The following UGGT1 variants were observed in gnomAD, a reference collection of about 807,000 sequenced individuals.
UGGT1 encodes UDP-glucose glycoprotein glucosyltransferase 1.
A neutral mutation model predicts 203.9 loss-of-function variants in UGGT1; 107 were observed. The ratio of observed to expected loss-of-function variants is 0.52; its 90% CI spans 0.45 to 0.62. UGGT1 has a LOEUF of 0.62. UGGT1 is among the 20% of genes least tolerant of loss of function. The pLI is 0.00. For synonymous variants in UGGT1, 628 were observed against 653.5 expected (o/e 0.96, Z 0.59); for missense variants, 1,673 against 1,867.2 (o/e 0.90, Z 1.92).
intron 26 of UGGT1, among the ~76,000 whole-genome samples, chr2:128,167,783 T>A (rs1690868519): frequency 6.6e-6 from 1 of 152,140 alleles, no homozygotes; most frequent in Non-Finnish European, 1.5e-5. Flanking sequence ...ATACTCCTCT[T>A]TCCTTGTTTT....
At chr2:128,110,836 T>A (rs1454912295) in intron 5 of UGGT1, among the ~76,000 whole-genome samples, 5 of 152,228 alleles carry the variant, frequency 3.3e-5, no homozygotes, top group Non-Finnish European at 5.9e-5. Flanking sequence ...GACTGTCCCG[T>A]AATTGGTAAT....
At chr2:128,146,026 G>T in intron 18 of UGGT1, 59 bp downstream of exon 18, 2 of 1,600,730 alleles carry the variant, frequency 1.2e-6, no homozygotes, top group South Asian at 1.1e-5. Flanking sequence ...ATTTTTTGTT[G>T]CCTCTATAGT....
At position 128,179,757 on chromosome 2, in the gene UGGT1, G is replaced by T. The variant is rs761399233; in HGVS notation, c.3816-29G>T. On this transcript the variant is annotated intron_variant, in intron 34 of 40. Transcript: ENST00000259253. Reference sequence around the variant, plus strand: ...TGAGGTTAAATAACATTGGAAAGCTGTTATTAATTACCTGCTTTTGTTTGG... The same window carrying T: ...TGAGGTTAAATAACATTGGAAAGCTTTTATTAATTACCTGCTTTTGTTTGG... 3.2e-6 allele frequency: 5 copies of T among 1,584,878 alleles called. No homozygotes were observed. In the East Asian group the frequency reaches 9.0e-5, roughly 28 times the overall value.
At chr2:128,178,685 T>C (rs925144884) in intron 34 of UGGT1, 116 bp downstream of exon 34, 15 of 858,602 alleles carry the variant, frequency 1.7e-5, no homozygotes, top group Non-Finnish European at 2.5e-5. Context: ...TTTGAAGCAC[T>C]CTGAGCATTG....
chr2:128,188,253 C>T (rs978727719), intron 40 of UGGT1, among the ~76,000 whole-genome samples: 1 of 151,702 alleles, frequency 6.6e-6, no homozygotes, highest in African/African-American at 2.4e-5. Context: ...CCATGTTGCC[C>T]AGGCTGGTCT....
At chr2:128,109,022 A>C (rs865970896) in intron 4 of UGGT1, among the ~76,000 whole-genome samples, 4 of 151,632 alleles carry the variant, frequency 2.6e-5, no homozygotes, top group Middle Eastern at 6.8e-3. Context: ...TGATTCTCCT[A>C]CCTGAGCTGG....
intron 8 of UGGT1, among the ~76,000 whole-genome samples, chr2:128,116,951 A>G (rs1688130382): frequency 1.3e-5 from 2 of 152,240 alleles, no homozygotes; most frequent in African/African-American, 4.8e-5. Flanking sequence ...GAGAAATTGA[A>G]TTGTTTCACT....
intron 16 of UGGT1, among the ~76,000 whole-genome samples, chr2:128,141,933 A>G (rs1474269176): frequency 2.6e-5 from 4 of 151,712 alleles, no homozygotes; most frequent in Non-Finnish European, 4.4e-5. Flanking sequence ...AGGACTACTT[A>G]TAAGTGTTGA....
At chr2:128,125,202 T>G (rs1408479984) in intron 11 of UGGT1, among the ~76,000 whole-genome samples, 1 of 152,104 alleles carries the variant, frequency 6.6e-6, no homozygotes, top group East Asian at 1.9e-4. Context: ...GTCCCTGTCC[T>G]CCTTGTGCTT....
At chr2:128,133,327 A>C in intron 14 of UGGT1, 67 bp downstream of exon 14, 1 of 1,581,820 alleles carries the variant, frequency 6.3e-7, no homozygotes, top group Admixed American at 1.7e-5. Context: ...TTTTTTTGTC[A>C]TGTAGAATGG....
In UGGT1 at chr2:128,129,046, G is replaced by A; in HGVS notation, c.1244G>A (p.Arg415Lys). ...QDIFSLFDVL[R>K]NEARVMEGLH... ...CCCCCCAGTCTGTTTGATGTGTTGAGGAATGAAGCTCGGGTAATGGAGGGT... is the reference window on the plus strand; with the variant it reads ...CCCCCCAGTCTGTTTGATGTGTTGAAGAATGAAGCTCGGGTAATGGAGGGT... The change falls in exon 13 of 41, where the codon AGG becomes AAG. Residue 415 changes from arginine (R) to lysine (K), a missense_variant. This residue lies in a region of UGGT1 where 1,073 missense variants were observed against 1,078.7 expected (regional missense o/e 0.99). Transcript: ENST00000259253. 1 of 1,608,550 alleles carries A rather than the reference G, an allele frequency of 6.2e-7. No homozygotes were observed. Among genetic ancestry groups the A allele is most frequent in the Non-Finnish European group, 8.5e-7 (1 of 1,178,256 alleles).
Position 128,129,051 on chromosome 2 carries a change from G to A in UGGT1, c.1249G>A (p.Glu417Lys). The A allele has an allele frequency of 6.2e-7, 1 of 1,610,436 alleles. No individual in the cohort carries two copies. The highest frequency in any genetic ancestry group is 8.5e-7 in the Non-Finnish European group (1 of 1,179,002). Residue 417 changes from glutamate (E) to lysine (K), a missense_variant, in exon 13 of 41, where the codon GAA becomes AAA. Around this residue, in one of 4 missense-constraint regions of UGGT1, gnomAD observed 1,073 missense variants for 1,078.7 expected, o/e 0.99. Coordinates refer to ENST00000259253, the MANE Select transcript of UGGT1 (RefSeq NM_020120.4). ...CAGTCTGTTTGATGTGTTGAGGAAT[G>A]AAGCTCGGGTAATGGAGGGTCTGCA... ...IFSLFDVLRN[E>K]ARVMEGLHRL... is the part of the protein sequence containing the mutation.
chr2:128,096,475 C>G (rs534040618), intron 1 of UGGT1, among the ~76,000 whole-genome samples: 1 of 152,342 alleles, frequency 6.6e-6, no homozygotes, highest in East Asian at 1.9e-4. Context: ...CTGGTAGTTT[C>G]AGGCATTCCT....
At chr2:128,132,972 G>T (rs1688954290) in intron 13 of UGGT1, among the ~76,000 whole-genome samples, 169 bp from the exon 14 acceptor site, 1 of 152,146 alleles carries the variant, frequency 6.6e-6, no homozygotes, top group African/African-American at 2.4e-5. Flanking sequence ...CTTCCAAAGT[G>T]CTAGGATTAC....
chr2:128,182,193 A>G lies in UGGT1; in HGVS notation c.4147A>G (p.Thr1383Ala), dbSNP rs776412281. The change falls in exon 37 of 41, where the codon ACT becomes GCT. Residue 1383 changes from threonine (T) to alanine (A), a missense_variant. Thr to Ala is a moderately conservative substitution (Grantham distance 58). This residue lies in a region of UGGT1 where 513 missense variants were observed against 684.1 expected (regional missense o/e 0.75). Coordinates refer to ENST00000259253, the MANE Select transcript of UGGT1 (RefSeq NM_020120.4). Reference protein sequence around the residue: ...FNLDGAPYGYTPFCDSRREMD... With the variant: ...FNLDGAPYGYAPFCDSRREMD... The stretch of plus-strand genomic sequence containing the variant: ...TTTGGATGGTGCTCCTTATGGTTAC[A>G]CTCCTTTCTGTGACAGCCGAAGAGA... 10 of 1,613,884 alleles carry G rather than the reference A, an allele frequency of 6.2e-6. No individual in the cohort carries two copies. Among genetic ancestry groups the G allele is most frequent in the Non-Finnish European group, 8.5e-6 (10 of 1,180,000 alleles).
chr2:128,100,588 T>A (rs1179794254), intron 2 of UGGT1, among the ~76,000 whole-genome samples: 6 of 150,630 alleles, frequency 4.0e-5, no homozygotes, highest in Admixed American at 4.0e-4. Flanking sequence ...GTATTTTTTT[T>A]TTTTTTTTTT....
rs1692373005 is a variant in UGGT1, at chr2:128,193,442, G to T, written c.*3700G>T. The T allele has an allele frequency of 6.6e-6, 1 of 151,970 alleles. No individual in the cohort carries two copies. Among genetic ancestry groups the T allele is most frequent in the Non-Finnish European group, 1.5e-5 (1 of 68,060 alleles). The allele number at this position is 151,970 out of a possible 1,614,324, so 9.4% of individuals were successfully genotyped here. A position where few individuals can be genotyped will look rare whatever the true frequency, so the allele number is the denominator to read the frequency against. Reference sequence around the variant, plus strand: ...AATTTTTGTATTTTTAGTAGAGATGGGGTTTTACCATGTTGGTTGGCCAGG... The same window carrying T: ...AATTTTTGTATTTTTAGTAGAGATGTGGTTTTACCATGTTGGTTGGCCAGG... On this transcript the variant is annotated 3_prime_UTR_variant, in exon 41 of 41. Transcript: ENST00000259253.
At chr2:128,148,089 T>C (rs1331254776) in intron 18 of UGGT1, among the ~76,000 whole-genome samples, 1 of 152,064 alleles carries the variant, frequency 6.6e-6, no homozygotes, top group Non-Finnish European at 1.5e-5. Context: ...TGAGACAGAG[T>C]TTCGCTCTAT....
chr2:128,172,815 T>C (rs1267772236), intron 29 of UGGT1, 53 bp downstream of exon 29: 2 of 1,541,790 alleles, frequency 1.3e-6, no homozygotes, highest in Non-Finnish European at 1.8e-6. Flanking sequence ...ATACAGCAGA[T>C]TGAATCATAG....
Sources: gnomAD v4.1 joint callset for allele counts (sites outside exome capture counted in the v4.1 genomes callset) on GRCh38, gnomAD v4.1.1 for gene constraint, gnomAD v4.1.1 regional missense constraint, MANE v1.5 for transcripts, NCBI Gene and HGNC (gene_info 2026-07-23, HGNC 2026-07-21) for gene names.